The following DAB1 variants were observed in gnomAD, a reference collection of about 807,000 sequenced individuals.
DAB1 encodes the protein DAB adaptor protein 1.
Under a neutral mutation model 64.6 loss-of-function variants are expected in DAB1, and 15 were observed. That is an observed-to-expected ratio of 0.23 (90% confidence interval 0.16 to 0.36). DAB1 has a LOEUF of 0.36. Among genes scored for constraint, DAB1 ranks in the 10% least tolerant of loss-of-function variants. DAB1 has a pLI of 1.00. For missense variants in DAB1, 596 were observed against 706.7 expected (o/e 0.84, Z 1.78); for synonymous variants, 235 against 251.9 (o/e 0.93, Z 0.64).
At chr1:57,079,593 A>G (rs540111093) in intron 4 of DAB1, among the ~76,000 whole-genome samples, 1 of 152,292 alleles carries the variant, frequency 6.6e-6, no homozygotes, top group Admixed American at 6.5e-5. Flanking sequence ...CTCTTAGGAT[A>G]AAGACCAAAA....
chr1:57,899,192 C>CT (rs549026891), intron 5 of DAB1, among the ~76,000 whole-genome samples: 2 of 152,042 alleles, frequency 1.3e-5, no homozygotes, highest in African/African-American at 4.8e-5. Context: ...AGTTTTCTTT[C>CT]TTTTTTTCTT....
At chr1:57,795,552 C>T (rs12141699) in intron 6 of DAB1, among the ~76,000 whole-genome samples, 22,413 of 151,174 alleles carry the variant, frequency 0.15, 2,280 homozygotes, top group Admixed American at 0.3. Flanking sequence ...TTTTCTACAT[C>T]TTCATTTGTA....
chr1:57,211,887 G>A (rs1001650291), intron 2 of DAB1, among the ~76,000 whole-genome samples: 9 of 152,296 alleles, frequency 5.9e-5, no homozygotes, highest in Admixed American at 2.6e-4. Flanking sequence ...TGCATAAGTT[G>A]TGTGTAAATA....
At chr1:57,289,954 C>T (rs1025862047) in intron 2 of DAB1, among the ~76,000 whole-genome samples, 1 of 152,146 alleles carries the variant, frequency 6.6e-6, no homozygotes, top group Non-Finnish European at 1.5e-5. Flanking sequence ...CTCCAGAAAA[C>T]ACGAAAAGTG....
At chr1:57,003,204 C>T (rs939124439) in intron 14 of DAB1, among the ~76,000 whole-genome samples, 1 of 152,214 alleles carries the variant, frequency 6.6e-6, no homozygotes, top group African/African-American at 2.4e-5. Flanking sequence ...CAGAAACTTC[C>T]ACCGTTTGCA....
intron 2 of DAB1, among the ~76,000 whole-genome samples, chr1:57,201,087 C>G (rs2100271466): frequency 6.6e-6 from 1 of 152,278 alleles, no homozygotes; most frequent in East Asian, 1.9e-4. Context: ...CTCTCAGGGC[C>G]ACACAGCTAA....
At chr1:57,322,854 A>T (rs527762907) in intron 1 of DAB1, among the ~76,000 whole-genome samples, 79 of 152,168 alleles carry the variant, frequency 5.2e-4, no homozygotes, top group Non-Finnish European at 1.0e-3. Flanking sequence ...GAAAGCTTTT[A>T]ATTGGCTACA....
At chr1:57,969,805 T>A (rs537068595) in intron 5 of DAB1, among the ~76,000 whole-genome samples, 1 of 152,300 alleles carries the variant, frequency 6.6e-6, no homozygotes, top group South Asian at 2.1e-4. Flanking sequence ...AGGTTCTAGT[T>A]AAATGGGGAT....
chr1:57,207,195 C>T (rs1459547806), intron 2 of DAB1, among the ~76,000 whole-genome samples: 1 of 151,492 alleles, frequency 6.6e-6, no homozygotes, highest in Non-Finnish European at 1.5e-5. Flanking sequence ...CCTTGAACTC[C>T]TGACCTCAAG....
intron 7 of DAB1, chr1:57,606,071 T>C (rs1645632703): frequency 1.8e-6 from 1 of 558,928 alleles, no homozygotes. Context: ...TTGATATTCT[T>C]TTCCTTTGCT....
intron 3 of DAB1, among the ~76,000 whole-genome samples, chr1:58,500,947 TATAC>T (rs1253291452): frequency 6.6e-6 from 1 of 152,224 alleles, no homozygotes; most frequent in African/African-American, 2.4e-5. Context: ...CAAATTATAA[TATAC>T]ATAAAGTCTG....
At chr1:57,932,234 G>C (rs1345721832) in intron 5 of DAB1, among the ~76,000 whole-genome samples, 1 of 152,068 alleles carries the variant, frequency 6.6e-6, no homozygotes, top group Non-Finnish European at 1.5e-5. Context: ...ATTCGTTAAA[G>C]TTTGTTTTAT....
chr1:57,641,667 T>A (rs546977439), intron 7 of DAB1, among the ~76,000 whole-genome samples: 4 of 152,160 alleles, frequency 2.6e-5, no homozygotes, highest in South Asian at 4.2e-4. Flanking sequence ...CTTTTTTTTT[T>A]ATAATTCAGT....
intron 5 of DAB1, among the ~76,000 whole-genome samples, chr1:57,914,836 A>C (rs1644702244): frequency 1.3e-5 from 2 of 152,182 alleles, no homozygotes; most frequent in South Asian, 4.1e-4. Flanking sequence ...TGGTCTATGA[A>C]CTGCATGCCT....
At chr1:58,519,281 T>A (rs921764298) in intron 2 of DAB1, among the ~76,000 whole-genome samples, 4 of 152,148 alleles carry the variant, frequency 2.6e-5, no homozygotes, top group African/African-American at 9.7e-5. Context: ...TATTTAGGGG[T>A]TACATGAGAT....
At chr1:57,800,108 T>C (rs563906534) in intron 6 of DAB1, among the ~76,000 whole-genome samples, 1 of 152,272 alleles carries the variant, frequency 6.6e-6, no homozygotes, top group East Asian at 1.9e-4. Flanking sequence ...GACAACTCTA[T>C]AGCATCTAAG....
At chr1:57,578,488 T>A (rs1645276145) in intron 7 of DAB1, among the ~76,000 whole-genome samples, 1 of 152,202 alleles carries the variant, frequency 6.6e-6, no homozygotes, top group African/African-American at 2.4e-5. Context: ...TGGACACTTA[T>A]CTTCATAGAA....
At chr1:58,000,649 C>A (rs559791636) in intron 5 of DAB1, among the ~76,000 whole-genome samples, 15 of 146,198 alleles carry the variant, frequency 1.0e-4, no homozygotes, top group Admixed American at 2.1e-4. Context: ...TGGCTCACTG[C>A]AATCTCCACC....
rs550704876 is a variant in DAB1, at chr1:57,046,686, A to C, written c.723+16198T>G. 1.1e-4 allele frequency among the ~76,000 whole-genome samples: 17 copies of C among 152,362 alleles called. 1 individual carries two copies. The South Asian group carries it at 2.1e-3, about 19-fold the overall frequency. ...ATAATGACAGACTCACAGCAGCAGC[A>C]GCAGTTAACAGATACCCCTGAATCA... is the stretch of plus-strand genomic sequence containing the variant. On this transcript the variant is annotated intron_variant, in intron 9 of 14. Transcript: ENST00000371236.
Sources: allele counts gnomAD v4.1 joint callset (sites outside exome capture counted in the v4.1 genomes callset), GRCh38; gene constraint gnomAD v4.1.1; transcripts MANE v1.5; gene names NCBI Gene and HGNC (gene_info 2026-07-23, HGNC 2026-07-21).